The following SFI1 variants were observed in gnomAD, a reference collection of about 807,000 sequenced individuals.
The protein encoded by SFI1 is SFI1 centrin binding protein, also known as protein SFI1 homolog.
A neutral mutation model predicts 207.5 loss-of-function variants in SFI1; 195 were observed. The ratio of observed to expected loss-of-function variants is 0.94; its 90% confidence interval spans 0.84 to 1.06. The LOEUF is 1.06. Ranked by LOEUF, SFI1 falls within the 50% of genes least tolerant of loss-of-function variation. The pLI, the probability that SFI1 is intolerant of heterozygous loss-of-function variation, is 0.00. For synonymous variants in SFI1, 630 were observed against 598.9 expected (o/e 1.05, Z -0.76); for missense variants, 1,634 against 1,588.0 (o/e 1.03, Z -0.49).
chr22:31,552,879 G>T (rs1306798037), intron 6 of SFI1, among the ~76,000 whole-genome samples: 1 of 150,992 alleles, frequency 6.6e-6, no homozygotes, highest in Non-Finnish European at 1.5e-5. Flanking sequence ...ATGTCTTGCT[G>T]TGTCACCCAG....
intron 3 of SFI1, 142 bp downstream of exon 3, chr22:31,529,005 TGAAAA>T: frequency 1.3e-6 from 1 of 779,034 alleles, no homozygotes; most frequent in Non-Finnish European, 2.0e-6. Context: ...AATGTTCAGA[TGAAAA>T]GGATATTCAG....
At chr22:31,589,181 A>C (rs1026348415) in intron 14 of SFI1, among the ~76,000 whole-genome samples, 1 of 138,796 alleles carries the variant, frequency 7.2e-6, no homozygotes, top group Non-Finnish European at 1.6e-5. Flanking sequence ...GGGGGAAGAG[A>C]GAGTGAGTGA....
intron 8 of SFI1, among the ~76,000 whole-genome samples, chr22:31,567,743 T>C (rs1323120239): frequency 6.6e-6 from 1 of 152,226 alleles, no homozygotes; most frequent in Non-Finnish European, 1.5e-5. Flanking sequence ...ACTATGCATA[T>C]ATTTTATATA....
chr22:31,603,886 A>G, intron 18 of SFI1, 67 bp downstream of exon 18: 5 of 1,444,338 alleles, frequency 3.5e-6, no homozygotes, highest in Non-Finnish European at 4.7e-6. Context: ...TGTCAGCAGG[A>G]CTCACAGGCA....
intron 4 of SFI1, among the ~76,000 whole-genome samples, chr22:31,533,538 G>A (rs1388965313): frequency 6.6e-6 from 1 of 151,438 alleles, no homozygotes; most frequent in African/African-American, 2.4e-5. Context: ...AAAAGTTGTA[G>A]CGTTCAGTGG....
At chr22:31,591,085 T>G (rs986398025) in intron 15 of SFI1, among the ~76,000 whole-genome samples, 2 of 151,688 alleles carry the variant, frequency 1.3e-5, no homozygotes, top group African/African-American at 2.4e-5. Context: ...AACAAAGGTC[T>G]CTGGTTTTCT....
intron 4 of SFI1, among the ~76,000 whole-genome samples, chr22:31,544,180 C>G (rs1312517109): frequency 6.6e-6 from 1 of 152,132 alleles, no homozygotes; most frequent in African/African-American, 2.4e-5. Flanking sequence ...TATAGCAAGA[C>G]TGTCTCAAAA....
intron 2 of SFI1, among the ~76,000 whole-genome samples, chr22:31,517,675 G>T (rs1476879312): frequency 1.3e-5 from 2 of 151,828 alleles, no homozygotes; most frequent in East Asian, 3.9e-4. Context: ...TTTCACATGG[G>T]TATGTAATTG....
rs1200061596 is a variant in SFI1 at position 31,531,126 on chromosome 22, C to T, written c.335C>T (p.Ala112Val). 2 of 1,611,454 alleles carry T rather than the reference C, an allele frequency of 1.2e-6. No homozygotes were observed. The highest frequency in any genetic ancestry group is 1.7e-6 in the Non-Finnish European group (2 of 1,178,304). Residue 112 changes from alanine (A) to valine (V), a missense_variant, in exon 4 of 33, where the codon GCC becomes GTC. Coordinates refer to ENST00000400288, the MANE Select transcript of SFI1 (RefSeq NM_001007467.3). ...TTTGGAAGAGTATTTCCCTCTAAAG[C>T]CAGGTAGTATTAGCTCAGAACAACA... ...MTFGRVFPSKARFYYEQRLLR... is the reference protein window; with the variant it reads ...MTFGRVFPSKVRFYYEQRLLR...
chr22:31,611,157 T>G lies in SFI1; in HGVS notation c.2269T>G (p.Trp757Gly), dbSNP rs1396820534. The G allele has an allele frequency of 9.9e-6, 16 of 1,614,198 alleles. No individual in the cohort carries two copies. The highest frequency in any genetic ancestry group is 1.4e-5 in the Non-Finnish European group (16 of 1,180,044). Residue 757 changes from tryptophan to glycine, a missense_variant, in exon 23 of 33, where the codon TGG becomes GGG. Trp to Gly is a radical substitution (Grantham distance 184). Transcript: ENST00000400288. ...KVLDRGCLRT[W>G]FQRWWDCSRR... Reference sequence around the variant, plus strand: ...ATCTGCCTTAGGCTGTCTGCGGACCTGGTTTCAGCGCTGGTGGGACTGCAG... The same window carrying G: ...ATCTGCCTTAGGCTGTCTGCGGACCGGGTTTCAGCGCTGGTGGGACTGCAG...
At position 31,603,746 on chromosome 22, in the gene SFI1, G is replaced by C; in HGVS notation, c.1808G>C (p.Arg603Thr). ...TGAGCTCTGCCATCTCCCCACAGGA[G>C]GACGGGCAGGGTGCGGGCAGCAGAA... Reference protein sequence around the residue: ...RESAQGLRTERTGRVRAAEFH... With the variant: ...RESAQGLRTETTGRVRAAEFH... The change falls in exon 18 of 33, where the codon AGG becomes ACG. Residue 603 changes from arginine to threonine, a missense_variant and splice_region_variant. Transcript: ENST00000400288. The C allele has an allele frequency of 6.5e-7, 1 of 1,537,440 alleles. No homozygotes were observed. Among genetic ancestry groups the C allele is most frequent in the Non-Finnish European group, 8.7e-7 (1 of 1,155,308 alleles).
At chr22:31,575,493 C>T in intron 10 of SFI1, 101 bp downstream of exon 10, 1 of 1,244,524 alleles carries the variant, frequency 8.0e-7, no homozygotes, top group Non-Finnish European at 1.1e-6. Context: ...GAAACAATTG[C>T]CAAACGATTC....
At chr22:31,526,329 C>T (rs574770178) in intron 2 of SFI1, among the ~76,000 whole-genome samples, 2 of 152,216 alleles carry the variant, frequency 1.3e-5, no homozygotes, top group Admixed American at 6.5e-5. Flanking sequence ...GAAGCAAACA[C>T]GTCCTTTTTC....
At chr22:31,573,520 C>G (rs2063168529) in intron 9 of SFI1, among the ~76,000 whole-genome samples, 1 of 151,764 alleles carries the variant, frequency 6.6e-6, no homozygotes. Flanking sequence ...TCACTGCAAC[C>G]TCCGTCTCCT....
intron 2 of SFI1, among the ~76,000 whole-genome samples, chr22:31,512,523 A>T (rs1018204607): frequency 2.7e-5 from 4 of 147,456 alleles, no homozygotes; most frequent in African/African-American, 9.9e-5. Flanking sequence ...TATTATTACT[A>T]TTTTTTTTTT....
At chr22:31,613,979 C>A in intron 27 of SFI1, 124 bp downstream of exon 27, 10 of 1,280,820 alleles carry the variant, frequency 7.8e-6, no homozygotes, top group Non-Finnish European at 1.0e-5. Context: ...CACAGCTGAG[C>A]TGCTGGGAAC....
intron 15 of SFI1, among the ~76,000 whole-genome samples, chr22:31,598,609 CG>C (rs941386349): frequency 7.0e-6 from 1 of 143,020 alleles, no homozygotes; most frequent in Non-Finnish European, 1.5e-5. Flanking sequence ...TTAGTAGAGA[CG>C]GGGTTTCACT....
At chr22:31,607,901 A>G (rs1316859120) in intron 21 of SFI1, 36 bp from the exon 22 acceptor site, 5 of 1,592,092 alleles carry the variant, frequency 3.1e-6, no homozygotes, top group African/African-American at 1.3e-5. Context: ...GCCAGGAGGT[A>G]TAGTGACTCT....
At position 31,508,289 on chromosome 22, in the gene SFI1, A is replaced by C. The variant is rs745674380; in HGVS notation, c.5A>C (p.Lys2Thr). The C allele has an allele frequency of 1.0e-5, 16 of 1,607,958 alleles. No individual in the cohort carries two copies. The highest frequency in any genetic ancestry group is 1.4e-5 in the Non-Finnish European group (16 of 1,174,850). Reference sequence around the variant, plus strand: ...GAAGATAAAAGACTTTGATTCATGAAGAATCTGCTCACTGAGAAGTGTATA... The same window carrying C: ...GAAGATAAAAGACTTTGATTCATGACGAATCTGCTCACTGAGAAGTGTATA... M[K>T]NLLTEKCISS... The change falls in exon 2 of 33, where the codon AAG (lysine) becomes ACG (threonine). Residue 2 changes from lysine to threonine, a missense_variant. Coordinates refer to ENST00000400288, the MANE Select transcript of SFI1 (RefSeq NM_001007467.3).
Sources: allele counts gnomAD v4.1 joint callset (sites outside exome capture counted in the v4.1 genomes callset), GRCh38; gene constraint gnomAD v4.1.1; transcripts MANE v1.5; gene names NCBI Gene and HGNC (gene_info 2026-07-23, HGNC 2026-07-21).